The following TENM1 variants were observed in gnomAD, a reference collection of about 807,000 sequenced individuals.
TENM1 encodes teneurin-1.
A neutral mutation model predicts 174.8 loss-of-function variants in TENM1; 35 were observed. That is an observed-to-expected ratio of 0.20 (90% confidence interval 0.15 to 0.27). The LOEUF (loss-of-function observed/expected upper bound fraction) is 0.27, where lower values mean the gene tolerates loss of function less well. Among genes scored for constraint, TENM1 ranks in the 10% least tolerant of loss-of-function variants. TENM1 has a pLI of 1.00. For synonymous variants in TENM1, 781 were observed against 798.7 expected, an observed-to-expected ratio of 0.98 and a Z score of 0.37; for missense variants, 1,633 against 2,130.1, an observed-to-expected ratio of 0.77 and a Z score of 4.59.
chrX:124,599,014 T>C (rs2843512), intron 11 of TENM1, among the ~76,000 whole-genome samples: 30,107 of 110,509 alleles, frequency 0.27, 3,412 homozygotes, highest in African/African-American at 0.43. Flanking sequence ...ATCTTTTGCA[T>C]CCCATAAATA....
At chrX:124,467,039 G>A (rs1450954333) in intron 22 of TENM1, among the ~76,000 whole-genome samples, 2 of 111,174 alleles carry the variant, frequency 1.8e-5, no homozygotes, top group Non-Finnish European at 3.8e-5. Context: ...ACTGTAGTCA[G>A]CTTCCTTTCC....
the TENM1 span, among the ~76,000 whole-genome samples, chrX:124,978,474 G>A: frequency 9.0e-6 from 1 of 111,614 alleles, no homozygotes; most frequent in African/African-American, 3.3e-5. Context: ...TAGCAGCTCT[G>A]GATTCTGATT....
chrX:124,430,279 G>A (rs933285961), intron 23 of TENM1, among the ~76,000 whole-genome samples: 1 of 111,648 alleles, frequency 9.0e-6, no homozygotes, highest in Non-Finnish European at 1.9e-5. Flanking sequence ...AGAATCTGAT[G>A]AAAGCTATGT....
At chrX:124,714,804 C>T (rs1459099710) in intron 4 of TENM1, among the ~76,000 whole-genome samples, 7 of 111,667 alleles carry the variant, frequency 6.3e-5, no homozygotes, top group Non-Finnish European at 7.5e-5. Context: ...GAATATACTA[C>T]ATATTTTACA....
At chrX:124,915,107 C>A (rs1299477597) in intron 1 of TENM1, among the ~76,000 whole-genome samples, 3 of 111,877 alleles carry the variant, frequency 2.7e-5, no homozygotes, top group Non-Finnish European at 5.6e-5. Flanking sequence ...TTGATTTCAT[C>A]TCACTTCCTT....
At chrX:125,168,074 G>A in the TENM1 span, among the ~76,000 whole-genome samples, 1 of 111,506 alleles carries the variant, frequency 9.0e-6, no homozygotes, top group Non-Finnish European at 1.9e-5. Context: ...TCCACAGCAA[G>A]ATATAAGGAA....
In TENM1 at chrX:124,626,402, C is replaced by T. The variant is rs567438214; in HGVS notation, c.2077+15389G>A. Reference sequence around the variant, plus strand: ...CTTGTTTTTAGCACAGGTATCTTCCCGTGTATGAGTTTTGTCTCTTTCCCT... The same window carrying T: ...CTTGTTTTTAGCACAGGTATCTTCCTGTGTATGAGTTTTGTCTCTTTCCCT... On this transcript the variant is annotated intron_variant, in intron 11 of 31. Coordinates refer to ENST00000422452, the Ensembl canonical transcript of TENM1. 1.9e-4 allele frequency among the ~76,000 whole-genome samples: 21 copies of T among 110,546 alleles called. 1 individual carries two copies. Among genetic ancestry groups the T allele is most frequent in the Admixed American group, 1.6e-3 (16 of 10,309 alleles).
intron 21 of TENM1, among the ~76,000 whole-genome samples, chrX:124,486,305 C>T (rs922765556): frequency 2.7e-5 from 3 of 111,738 alleles, no homozygotes; most frequent in African/African-American, 9.7e-5. Context: ...GCAAAGATCA[C>T]TTCATTCATA....
At chrX:124,778,502 G>A (rs1285903648) in intron 3 of TENM1, among the ~76,000 whole-genome samples, 5 of 112,230 alleles carry the variant, frequency 4.5e-5, no homozygotes, top group African/African-American at 9.7e-5. Flanking sequence ...ACAATGAGTG[G>A]AATTTTAGTG....
the TENM1 span, among the ~76,000 whole-genome samples, chrX:125,101,464 T>C: frequency 0.016 from 1,825 of 112,014 alleles, 33 homozygotes; most frequent in African/African-American, 0.055. Flanking sequence ...AATACACTAA[T>C]GACTTTTTTG....
chrX:124,902,780 C>G (rs2057684497), intron 1 of TENM1, among the ~76,000 whole-genome samples: 1 of 112,391 alleles, frequency 8.9e-6, no homozygotes, highest in Non-Finnish European at 1.9e-5. Context: ...AAATAGTCTC[C>G]TCTGATTTCT....
chrX:124,415,919 G>T (rs757901438), intron 25 of TENM1, among the ~76,000 whole-genome samples: 1 of 110,896 alleles, frequency 9.0e-6, no homozygotes, highest in Admixed American at 9.5e-5. Flanking sequence ...CTCTATATTA[G>T]ATCATTTTTA....
At chrX:124,857,392 G>A (rs1293969049) in intron 3 of TENM1, among the ~76,000 whole-genome samples, 1 of 111,494 alleles carries the variant, frequency 9.0e-6, no homozygotes, top group African/African-American at 3.3e-5. Flanking sequence ...ATATCTCCAC[G>A]CAATGAGCCA....
At chrX:124,495,330 C>G (rs2047173064) in intron 20 of TENM1, among the ~76,000 whole-genome samples, 1 of 109,754 alleles carries the variant, frequency 9.1e-6, no homozygotes, top group Admixed American at 9.7e-5. Context: ...GGTGTCTGTT[C>G]ATGTCCTTCA....
rs770101547 is a variant in TENM1, at chrX:124,849,774, C to T, written c.535+44522G>A. ...CTTAAGTTTGTGATAATTTTTTACA[C>T]GGCAGTGAAAAACTAATACAAGTAC... On this transcript the variant is annotated intron_variant, in intron 3 of 31. Coordinates refer to ENST00000422452, the Ensembl canonical transcript of TENM1. 1.2e-4 allele frequency among the ~76,000 whole-genome samples: 13 copies of T among 111,638 alleles called. No individual in the cohort carries two copies. In the South Asian group the frequency reaches 3.7e-3, roughly 32 times the overall value.
chrX:124,407,609 C>G (rs1762058506), intron 25 of TENM1, among the ~76,000 whole-genome samples: 2 of 112,057 alleles, frequency 1.8e-5, no homozygotes, highest in South Asian at 3.7e-4. Context: ...GGTAGTTGCT[C>G]AAATTTTAAT....
chrX:124,719,738 T>C (rs1316496766), intron 4 of TENM1, among the ~76,000 whole-genome samples: 1 of 111,822 alleles, frequency 8.9e-6, no homozygotes, highest in Non-Finnish European at 1.9e-5. Context: ...ACGTCAAGAA[T>C]ATAGGGATTT....
chrX:124,393,117 A>G (rs993147657), intron 27 of TENM1, among the ~76,000 whole-genome samples: 1 of 111,599 alleles, frequency 9.0e-6, no homozygotes, highest in Non-Finnish European at 1.9e-5. Context: ...AAAACCTTGT[A>G]GCAGTCCCAG....
chrX:124,726,411 A>T (rs1354855113), intron 4 of TENM1, among the ~76,000 whole-genome samples: 1 of 112,760 alleles, frequency 8.9e-6, no homozygotes, highest in Non-Finnish European at 1.9e-5. Context: ...CATGTAAAAC[A>T]TATTTTAAGA....
Sources: allele counts gnomAD v4.1 joint callset (sites outside exome capture counted in the v4.1 genomes callset), GRCh38; gene constraint gnomAD v4.1.1; transcripts MANE v1.5; gene names NCBI Gene and HGNC (gene_info 2026-07-23, HGNC 2026-07-21).